Variants in KLHL17 observed in about 807,000 individuals in gnomAD.
The protein encoded by KLHL17 is kelch like family member 17.
Under a neutral mutation model 64.6 loss-of-function variants are expected in KLHL17, and 71 were observed. That is an observed-to-expected ratio of 1.10 (90% CI 0.91 to 1.34). KLHL17 has a LOEUF of 1.34. Among genes scored for constraint, KLHL17 ranks in the 40% most tolerant of loss-of-function variants. The pLI is 0.00. For missense variants in KLHL17, 1,140 were observed against 935.0 expected (o/e 1.22, Z -2.86); for synonymous variants, 612 against 405.4 (o/e 1.51, Z -6.12).
At chr1:961,799 C>A in intron 3 of KLHL17, 27 bp from the exon 4 acceptor site, 1 of 1,610,936 alleles carries the variant, frequency 6.2e-7, no homozygotes, top group Non-Finnish European at 8.5e-7. Context: ...CCTGTGCCTC[C>A]CTCACCTGCC....
rs1642914124 is a variant in KLHL17 at position 965,504 on chromosome 1, G to A, written c.*313G>A. On this transcript the variant is annotated 3_prime_UTR_variant, in exon 12 of 12. Coordinates refer to ENST00000338591, the MANE Select transcript of KLHL17 (RefSeq NM_198317.3). ...GCCTGCTCAGACCTTGCAGGCTGTG[G>A]AGCAAGAGGCCCTGGGTCTCTCCAA... is the stretch of plus-strand genomic sequence containing the variant. 3 of 400,674 alleles carry A rather than the reference G, an allele frequency of 7.5e-6. No homozygotes were observed. The highest frequency in any genetic ancestry group is 9.0e-6 in the Non-Finnish European group (2 of 223,148). 24.8% of individuals were successfully genotyped at this position (400,674 alleles called of 1,614,324 possible). A position where few individuals can be genotyped will look rare whatever the true frequency, so the allele number is the denominator to read the frequency against.
rs1470355270 is a variant in KLHL17, at chr1:964,492, T to C, written c.1662T>C (p.Ala554=). The change falls in exon 11 of 12, where the codon GCT becomes GCC. Residue 554 remains alanine (A), a synonymous_variant. Transcript: ENST00000338591. ...CGGTAGAGAGATACAGTCCAAAGGC[T>C]GGAGCCTGGGAAAGCGTGGCGCCCA... is the stretch of plus-strand genomic sequence containing the variant. ...LNSVERYSPK[A]GAWESVAPMN... The C allele has an allele frequency of 2.6e-6, 4 of 1,528,558 alleles. No homozygotes were observed. The highest frequency in any genetic ancestry group is 3.5e-6 in the Non-Finnish European group (4 of 1,135,092). The allele number at this position is 1,528,558 out of a possible 1,614,324, so 94.7% of individuals were successfully genotyped here.
chr1:962,375 C>T lies in KLHL17; in HGVS notation c.732C>T (p.Ser244=), dbSNP rs766105094. 5.3e-5 allele frequency: 85 copies of T among 1,612,630 alleles called. No individual in the cohort carries two copies. The highest frequency in any genetic ancestry group is 8.0e-5 in the African/African-American group (6 of 74,934). The change falls in exon 5 of 12, where the codon AGC becomes AGT. Residue 244 remains serine (S), a synonymous_variant. Transcript: ENST00000338591. ...PLKQVLELVS[S]DSLNVPSEEE... The stretch of plus-strand genomic sequence containing the variant: ...CCCAGGTTCTGGAACTGGTCTCTAG[C>T]GACAGCCTGAACGTGCCTTCAGAGG...
Position 961,761 on chromosome 1 carries a change from C to T in KLHL17, c.489+11C>T. The T allele has an allele frequency of 6.2e-7, 1 of 1,611,806 alleles. No homozygotes were observed. Among genetic ancestry groups the T allele is most frequent in the African/African-American group, 1.3e-5 (1 of 74,982 alleles). ...GAGGGCAATGTGCAGGTGAGGGCTC[C>T]CTCACCCGGATCCCGGTGTCCCCCG... is the stretch of plus-strand genomic sequence containing the variant. On this transcript the variant is annotated intron_variant, in intron 3 of 11. Transcript: ENST00000338591.
At position 961,641 on chromosome 1, in the gene KLHL17, A is replaced by G. The variant is rs1171991322; in HGVS notation, c.380A>G (p.Glu127Gly). The G allele has an allele frequency of 1.2e-6, 2 of 1,612,734 alleles. No individual in the cohort carries two copies. The highest frequency in any genetic ancestry group is 1.7e-5 in the Admixed American group (1 of 60,010). ...FHAMFTNEMS[E>G]SRQTHVTLHD... Reference sequence around the variant, plus strand: ...GCTGTCCCCGCAGATGAGATGAGCGAGAGCCGCCAGACCCACGTGACGCTG... The same window carrying G: ...GCTGTCCCCGCAGATGAGATGAGCGGGAGCCGCCAGACCCACGTGACGCTG... The change falls in exon 3 of 12, where the codon GAG (glutamate) becomes GGG (glycine). Residue 127 changes from glutamate (E) to glycine (G), a missense_variant. Glu to Gly is a moderately conservative substitution (Grantham distance 98). Coordinates refer to ENST00000338591, the MANE Select transcript of KLHL17 (RefSeq NM_198317.3).
Position 962,993 on chromosome 1 carries a change from C to T in KLHL17, c.1042+76C>T, listed in dbSNP as rs537000217. On this transcript the variant is annotated intron_variant, in intron 6 of 11. Transcript: ENST00000338591. ...CAGCACAAGCCCACCCCACCTGTGCCGGTCAGGTCCTGACCTGCCCCTCCG... is the reference window on the plus strand; with the variant it reads ...CAGCACAAGCCCACCCCACCTGTGCTGGTCAGGTCCTGACCTGCCCCTCCG... 1.1e-4 allele frequency: 168 copies of T among 1,509,488 alleles called. 1 individual carries two copies. The South Asian group carries it at 1.7e-3, about 15-fold the overall frequency. 93.5% of individuals were successfully genotyped at this position (1,509,488 alleles called of 1,614,324 possible).
rs761976545 is a variant in KLHL17 at position 963,963 on chromosome 1, G to A, written c.1399G>A (p.Ala467Thr). 122 of 1,612,400 alleles carry A rather than the reference G, an allele frequency of 7.6e-5. No homozygotes were observed. Among genetic ancestry groups the A allele is most frequent in the Non-Finnish European group, 8.6e-5 (101 of 1,179,930 alleles). The change falls in exon 9 of 12, where the codon GCT becomes ACT. Residue 467 changes from alanine to threonine, a missense_variant. By Grantham distance (58) the Ala-to-Thr change is moderately conservative. Coordinates refer to ENST00000338591, the MANE Select transcript of KLHL17 (RefSeq NM_198317.3). Reference protein sequence around the residue: ...DPLTGTWTSVAAMSTRRRYVR... With the variant: ...DPLTGTWTSVTAMSTRRRYVR... ...CCTGACCGGAACGTGGACGTCCGTC[G>A]CTGCCATGAGCACCCGGAGGCGCTA...
At position 960,642 on chromosome 1, in the gene KLHL17, G is replaced by A. The variant is rs944623035; in HGVS notation, c.-52G>A. On this transcript the variant is annotated 5_prime_UTR_variant, in exon 1 of 12. Transcript: ENST00000338591. ...CGAGCAGCCCTCCGGCAGTCTCCGC[G>A]TCCGTTAAGCCCGCGGGTCCTCCGC... 1.5e-6 allele frequency: 2 copies of A among 1,305,038 alleles called. No individual in the cohort carries two copies. Among genetic ancestry groups the A allele is most frequent in the Non-Finnish European group, 9.8e-7 (1 of 1,019,966 alleles). 80.8% of individuals were successfully genotyped at this position (1,305,038 alleles called of 1,614,324 possible). A position where few individuals can be genotyped will look rare whatever the true frequency, so the allele number is the denominator to read the frequency against.
Position 964,903 on chromosome 1 carries a change from T to TGTG in KLHL17, c.1701-59_1701-58insTGG. On this transcript the variant is annotated intron_variant, in intron 11 of 11. Transcript: ENST00000338591. ...GTCCCGCCACCACCCCTTTTTGTGG[T>TGTG]GCAGCCCCTCCCCCCGCATCCCTTC... 1.6e-6 allele frequency: 2 copies of TGTG among 1,256,358 alleles called. 1 individual carries two copies. Among genetic ancestry groups the TGTG allele is most frequent in the Admixed American group, 4.1e-5 (2 of 48,296 alleles). 77.8% of individuals were successfully genotyped at this position (1,256,358 alleles called of 1,614,324 possible).
In KLHL17 at chr1:964,600, G is replaced by A. The variant is rs1313541301; in HGVS notation, c.1700+70G>A. On this transcript the variant is annotated intron_variant, in intron 11 of 11. Transcript: ENST00000338591. Reference sequence around the variant, plus strand: ...GGCTGTGGGAGGGGTCCGCGCGTCCGCAGTGGGGATGTGCTGCGGGGAGGG... The same window carrying A: ...GGCTGTGGGAGGGGTCCGCGCGTCCACAGTGGGGATGTGCTGCGGGGAGGG... 6 of 1,311,110 alleles carry A rather than the reference G, an allele frequency of 4.6e-6. 1 individual carries two copies. The highest frequency in any genetic ancestry group is 6.2e-5 in the Admixed American group (2 of 32,470). The allele number at this position is 1,311,110 out of a possible 1,614,324, so 81.2% of individuals were successfully genotyped here. A position where few individuals can be genotyped will look rare whatever the true frequency, so the allele number is the denominator to read the frequency against.
chr1:960,585 G>A lies in KLHL17; in HGVS notation c.-109G>A. 4 of 972,580 alleles carry A rather than the reference G, an allele frequency of 4.1e-6. No homozygotes were observed. Among genetic ancestry groups the A allele is most frequent in the Non-Finnish European group, 5.1e-6 (4 of 777,658 alleles). The allele number at this position is 972,580 out of a possible 1,614,324, so 60.2% of individuals were successfully genotyped here. A position where few individuals can be genotyped will look rare whatever the true frequency, so the allele number is the denominator to read the frequency against. ...ACAGCGGCTGCGGGCGGGAGCGGCG[G>A]GAGTGAGCGACACAGAGCGGGCCGC... On this transcript the variant is annotated 5_prime_UTR_variant, in exon 1 of 12. Coordinates refer to ENST00000338591, the MANE Select transcript of KLHL17 (RefSeq NM_198317.3).
intron 6 of KLHL17, 83 bp downstream of exon 6, chr1:963,000 G>A: frequency 6.5e-7 from 1 of 1,530,298 alleles, no homozygotes; most frequent in Non-Finnish European, 8.8e-7. Flanking sequence ...TGCCGGTCAG[G>A]TCCTGACCTG....
chr1:963,294 C>T (rs778686903), intron 7 of KLHL17, 41 bp downstream of exon 7: 3 of 1,598,892 alleles, frequency 1.9e-6, no homozygotes, highest in South Asian at 2.2e-5. Flanking sequence ...CTGGCACGTG[C>T]CCGCCAGGCC....
chr1:964,270 C>A (rs1642795372), intron 10 of KLHL17, 79 bp from the exon 11 acceptor site: 1 of 1,591,812 alleles, frequency 6.3e-7, no homozygotes. Flanking sequence ...ATTCCTGACA[C>A]CCCACCCTGG....
chr1:962,298 C>T (rs199840245), intron 4 of KLHL17, 57 bp from the exon 5 acceptor site: 6 of 1,608,384 alleles, frequency 3.7e-6, no homozygotes, highest in Non-Finnish European at 5.1e-6. Flanking sequence ...ATCTTCAGGG[C>T]TCCCTGGGTC....
Position 964,111 on chromosome 1 carries a change from G to T in KLHL17, c.1449G>T (p.Gly483=), listed in dbSNP as rs1247153238. 1 of 1,612,592 alleles carries T rather than the reference G, an allele frequency of 6.2e-7. No individual in the cohort carries two copies. The highest frequency in any genetic ancestry group is 1.1e-5 in the South Asian group (1 of 91,090). The change falls in exon 10 of 12, where the codon GGG becomes GGT. Residue 483 remains glycine, a synonymous_variant. Coordinates refer to ENST00000338591, the MANE Select transcript of KLHL17 (RefSeq NM_198317.3). ...RRYVRVATLD[G]NLYAVGGYDS... ...GGGTGTGTTGACTTCCGGCAGATGG[G>T]AACCTGTATGCTGTGGGCGGCTACG...
chr1:964,497 C>G lies in KLHL17; in HGVS notation c.1667C>G (p.Ala556Gly), dbSNP rs745641573. ...GAGAGATACAGTCCAAAGGCTGGAG[C>G]CTGGGAAAGCGTGGCGCCCATGAAT... ...SVERYSPKAG[A>G]WESVAPMNIR... The change falls in exon 11 of 12, where the codon GCC becomes GGC. Residue 556 changes from alanine to glycine, a missense_variant. Transcript: ENST00000338591. 2 of 1,523,322 alleles carry G rather than the reference C, an allele frequency of 1.3e-6. No homozygotes were observed. Among genetic ancestry groups the G allele is most frequent in the African/African-American group, 1.5e-5 (1 of 68,552 alleles). The allele number at this position is 1,523,322 out of a possible 1,614,324, so 94.4% of individuals were successfully genotyped here. A position where few individuals can be genotyped will look rare whatever the true frequency, so the allele number is the denominator to read the frequency against.
rs1045797350 is a variant in KLHL17 at position 962,754 on chromosome 1, C to G, written c.879C>G (p.Gly293=). The G allele has an allele frequency of 6.2e-7, 1 of 1,610,782 alleles. No individual in the cohort carries two copies. Among genetic ancestry groups the G allele is most frequent in the Non-Finnish European group, 8.5e-7 (1 of 1,179,666 alleles). Residue 293 remains glycine (G), a synonymous_variant, in exon 6 of 12, where the codon GGC becomes GGG. Coordinates refer to ENST00000338591, the MANE Select transcript of KLHL17 (RefSeq NM_198317.3). The stretch of plus-strand genomic sequence containing the variant: ...TGCTGAGCCGCGACTTCCTGCTGGG[C>G]CACGTGGATGCCGAGAGCCTGGTGA... ...LPLLSRDFLL[G]HVDAESLVRH...
In KLHL17 at chr1:965,115, G is replaced by GT; in HGVS notation, c.1854dup (p.Val619CysfsTer71). 2 of 1,612,684 alleles carry GT rather than the reference G, an allele frequency of 1.2e-6. No homozygotes were observed. The highest frequency in any genetic ancestry group is 2.2e-5 in the South Asian group (2 of 91,076). ...ATGTTCACCCGGCGCAGCAGTGTGGGTGTGGCGGTGCTGGAGCTGCTCAAT... is the reference window on the plus strand; with the variant it reads ...ATGTTCACCCGGCGCAGCAGTGTGGGTTGTGGCGGTGCTGGAGCTGCTCAAT... On this transcript the variant is annotated frameshift_variant, in exon 12 of 12. Transcript: ENST00000338591. LOFTEE classifies it high-confidence loss of function.
Sources: gnomAD v4.1 joint callset for allele counts on GRCh38, gnomAD v4.1.1 for gene constraint, MANE v1.5 for transcripts, NCBI Gene and HGNC (gene_info 2026-07-23, HGNC 2026-07-21) for gene names.